GIGYF2: variants seen among roughly 807,000 people sequenced by gnomAD.
GIGYF2 encodes GRB10 interacting GYF protein 2, also known as GRB10-interacting GYF protein 2.
Under a neutral mutation model 208.1 loss-of-function variants are expected in GIGYF2, and 25 were observed. That is an observed-to-expected ratio of 0.12 (90% CI 0.09 to 0.17). GIGYF2 has a LOEUF of 0.17. GIGYF2 is among the 10% of genes least tolerant of loss of function. GIGYF2 has a pLI of 1.00. For missense variants in GIGYF2, 1,302 were observed against 1,579.4 expected, an observed-to-expected ratio of 0.82 and a Z score of 2.98; for synonymous variants, 534 against 543.8, an observed-to-expected ratio of 0.98 and a Z score of 0.25.
rs1283776910 is a variant in GIGYF2 at position 232,844,264 on chromosome 2, A to G, written c.3099+9A>G. 1.3e-6 allele frequency: 2 copies of G among 1,594,876 alleles called. No individual in the cohort carries two copies. Among genetic ancestry groups the G allele is most frequent in the South Asian group, 1.1e-5 (1 of 89,192 alleles). ...GAGCTCGTAACAATACGGTGTGTGC[A>G]TTTTCCTAAGCTGTCGTTGTATGGA... On this transcript the variant is annotated intron_variant, in intron 24 of 28. Transcript: ENST00000373563.
intron 25 of GIGYF2, among the ~76,000 whole-genome samples, 194 bp from the exon 26 acceptor site, chr2:232,845,538 A>G (rs964829919): frequency 4.6e-5 from 7 of 152,192 alleles, no homozygotes; most frequent in Admixed American, 2.6e-4. Context: ...ACAAATTAGG[A>G]TATATTAACT....
chr2:232,859,180 C>CCTTT lies in GIGYF2; in HGVS notation c.*2322_*2325dup, dbSNP rs1690684063. 6.6e-6 allele frequency: 1 copy of CCTTT among 152,126 alleles called. No homozygotes were observed. Among genetic ancestry groups the CCTTT allele is most frequent in the Admixed American group, 6.5e-5 (1 of 15,270 alleles). The allele number at this position is 152,126 out of a possible 1,614,324, so 9.4% of individuals were successfully genotyped here. On this transcript the variant is annotated 3_prime_UTR_variant, in exon 29 of 29. Coordinates refer to ENST00000373563, the MANE Select transcript of GIGYF2 (RefSeq NM_001103146.3). ...CTCTTTCATATTCTCATTTGCTCAC[C>CCTTT]CTTTCACTTAGAGCCACCGTTTTCT...
In GIGYF2 at chr2:232,846,481, CCTAA is replaced by C. The variant is rs199959530; in HGVS notation, c.3460+600_3460+603del. Among the ~76,000 whole-genome samples the C allele has an allele frequency of 8.7e-3, 1,324 of 152,264 alleles. 33 individuals are homozygous for C. Among genetic ancestry groups the C allele is most frequent in the Admixed American group, 0.054 (826 of 15,288 alleles). On this transcript the variant is annotated intron_variant, in intron 26 of 28. Transcript: ENST00000373563. ...AGACTGGTCAACATGTCAGGATTCCCCTAACTAATAGGCTGAATTGAATTAATCC... is the reference window on the plus strand; with the variant it reads ...AGACTGGTCAACATGTCAGGATTCCCCTAATAGGCTGAATTGAATTAATCC...
At chr2:232,789,619 C>G (rs1204898067) in intron 9 of GIGYF2, among the ~76,000 whole-genome samples, 1 of 152,064 alleles carries the variant, frequency 6.6e-6, no homozygotes, top group East Asian at 1.9e-4. Context: ...GGCATTTTAA[C>G]GTTTTGCCCT....
chr2:232,762,494 A>AC (rs1272859304), intron 8 of GIGYF2, among the ~76,000 whole-genome samples: 1 of 151,288 alleles, frequency 6.6e-6, no homozygotes, highest in Non-Finnish European at 1.5e-5. Flanking sequence ...CTCGTGATCC[A>AC]CCCGCCTCAG....
chr2:232,722,805 AC>A (rs752506102), intron 2 of GIGYF2: 2 of 151,934 alleles, frequency 1.3e-5, no homozygotes, highest in African/African-American at 2.4e-5. Flanking sequence ...TTTAAAAAAA[AC>A]AAACAAACTC....
chr2:232,725,911 T>C (rs2106280934), intron 2 of GIGYF2, among the ~76,000 whole-genome samples: 1 of 152,360 alleles, frequency 6.6e-6, no homozygotes, highest in East Asian at 1.9e-4. Context: ...TATATATTTC[T>C]GTATATGAAG....
intron 14 of GIGYF2, among the ~76,000 whole-genome samples, chr2:232,803,074 A>G (rs1700449842): frequency 6.6e-6 from 1 of 152,002 alleles, no homozygotes; most frequent in Non-Finnish European, 1.5e-5. Context: ...TCATTTTAGT[A>G]GAGATGGGGT....
intron 5 of GIGYF2, 63 bp downstream of exon 5, chr2:232,749,145 G>T (rs1698253091): frequency 1.2e-6 from 1 of 840,434 alleles, no homozygotes; most frequent in African/African-American, 1.7e-5. Flanking sequence ...CATGAAAATA[G>T]GAAGTTACTA....
intron 8 of GIGYF2, among the ~76,000 whole-genome samples, chr2:232,785,709 A>G (rs1332301628): frequency 2.0e-5 from 3 of 152,224 alleles, no homozygotes; most frequent in Admixed American, 1.3e-4. Flanking sequence ...TTCTCCCAAG[A>G]TATTTTATCT....
chr2:232,776,187 G>T (rs1699505414), intron 8 of GIGYF2, among the ~76,000 whole-genome samples: 1 of 151,532 alleles, frequency 6.6e-6, no homozygotes, highest in African/African-American at 2.4e-5. Flanking sequence ...ATCCTCTACT[G>T]ATATATTGTA....
At chr2:232,716,459 A>C (rs1369145790) in intron 2 of GIGYF2, among the ~76,000 whole-genome samples, 3 of 145,184 alleles carry the variant, frequency 2.1e-5, no homozygotes, top group African/African-American at 7.8e-5. Flanking sequence ...GCTCACTGCA[A>C]CTTCCACCTC....
chr2:232,858,040 C>A lies in GIGYF2; in HGVS notation c.*1180C>A. 6.0e-6 allele frequency: 1 copy of A among 166,754 alleles called. No homozygotes were observed. The highest frequency in any genetic ancestry group is 1.3e-5 in the Non-Finnish European group (1 of 78,032). 10.3% of individuals were successfully genotyped at this position (166,754 alleles called of 1,614,324 possible). On this transcript the variant is annotated 3_prime_UTR_variant, in exon 29 of 29. Coordinates refer to ENST00000373563, the MANE Select transcript of GIGYF2 (RefSeq NM_001103146.3). Reference sequence around the variant, plus strand: ...GCGAAAATGGGAGCAGGAAGCCTGGCCTGGCTTCTGGTCATGGCCTCCTAA... The same window carrying A: ...GCGAAAATGGGAGCAGGAAGCCTGGACTGGCTTCTGGTCATGGCCTCCTAA...
In GIGYF2 at chr2:232,743,543, G is replaced by A. The variant is rs67013068; in HGVS notation, c.42-4072G>A. On this transcript the variant is annotated intron_variant, in intron 3 of 28. Transcript: ENST00000373563. ...TACACCGAGTACCCAGTGGTTTTTC[G>A]TGCTCCTCTCCCTCCTCCTGCCTTC... Among the ~76,000 whole-genome samples the A allele has an allele frequency of 3.3e-5, 5 of 151,892 alleles. No homozygotes were observed. The South Asian group carries it at 8.3e-4, about 25-fold the overall frequency.
intron 8 of GIGYF2, chr2:232,764,286 C>T (rs1161221168): frequency 2.0e-5 from 3 of 152,236 alleles, no homozygotes; most frequent in Non-Finnish European, 4.4e-5. Context: ...CTCTGGGCTT[C>T]ATGTTCATCA....
chr2:232,760,312 A>C (rs371690747), intron 6 of GIGYF2, 168 bp from the exon 7 acceptor site: 11 of 616,226 alleles, frequency 1.8e-5, no homozygotes, highest in East Asian at 1.7e-4. Context: ...CAGCTACTTC[A>C]ATGCCATTGT....
intron 22 of GIGYF2, among the ~76,000 whole-genome samples, chr2:232,836,298 A>G: frequency 4.9e-5 from 1 of 20,562 alleles, no homozygotes; most frequent in Admixed American, 6.4e-4. Flanking sequence ...ATATATATAT[A>G]TATATATATA....
At chr2:232,774,364 TCA>T (rs1360973780) in intron 8 of GIGYF2, among the ~76,000 whole-genome samples, 1 of 152,184 alleles carries the variant, frequency 6.6e-6, no homozygotes, top group African/African-American at 2.4e-5. Context: ...AAACAGATAT[TCA>T]GTTAGGAAAG....
At position 232,815,182 on chromosome 2, in the gene GIGYF2, A is replaced by C. The variant is rs529732369; in HGVS notation, c.2108-455A>C. On this transcript the variant is annotated intron_variant, in intron 18 of 28. Coordinates refer to ENST00000373563, the MANE Select transcript of GIGYF2 (RefSeq NM_001103146.3). The stretch of plus-strand genomic sequence containing the variant: ...AGTGAATACTTCAGTGGCATTCACA[A>C]TGTTGTGCAACCACCTACTTCTCTC... Among the ~76,000 whole-genome samples the C allele has an allele frequency of 9.2e-5, 14 of 152,230 alleles. No individual in the cohort carries two copies. The South Asian group carries it at 2.7e-3, about 29-fold the overall frequency.
Sources: allele counts gnomAD v4.1 joint callset (sites outside exome capture counted in the v4.1 genomes callset), GRCh38; gene constraint gnomAD v4.1.1; transcripts MANE v1.5; gene names NCBI Gene and HGNC (gene_info 2026-07-23, HGNC 2026-07-21).